The following VPS41 variants were observed in gnomAD, a reference collection of about 807,000 sequenced individuals.
VPS41 encodes vacuolar protein sorting-associated protein 41 homolog.
In VPS41, 85 loss-of-function variants were observed where a neutral mutation model predicts 130.9. That is an observed-to-expected ratio of 0.65 (90% CI 0.55 to 0.78). The LOEUF (loss-of-function observed/expected upper bound fraction) is 0.78, where lower values mean the gene tolerates loss of function less well. Ranked by LOEUF, VPS41 falls within the 30% of genes least tolerant of loss-of-function variation. The probability of loss-of-function intolerance (pLI) is 0.00; values close to 1 mark genes in which losing one functional copy is unlikely to be tolerated. For missense variants in VPS41, 874 were observed against 1,018.7 expected (o/e 0.86, Z 1.93); for synonymous variants, 335 against 332.9 (o/e 1.01, Z -0.07).
At chr7:38,805,192 T>G (rs1005542404) in intron 7 of VPS41, among the ~76,000 whole-genome samples, 2 of 152,176 alleles carry the variant, frequency 1.3e-5, no homozygotes, top group Admixed American at 1.3e-4. Flanking sequence ...ATGCAGACAG[T>G]TACCTGAAAA....
chr7:38,776,595 AT>A (rs1784263099), intron 11 of VPS41, 83 bp downstream of exon 11: 10 of 734,570 alleles, frequency 1.4e-5, no homozygotes, highest in Admixed American at 6.0e-5. Context: ...ATTATAGCGT[AT>A]GCTACTGATG....
intron 18 of VPS41, among the ~76,000 whole-genome samples, chr7:38,757,347 A>G (rs1783817381): frequency 6.6e-6 from 1 of 152,196 alleles, no homozygotes; most frequent in Non-Finnish European, 1.5e-5. Flanking sequence ...TCCAATTCTT[A>G]CAAGCAGTAT....
chr7:38,770,427 A>ATTTTT lies in VPS41; in HGVS notation c.1185+766_1185+770dup, dbSNP rs534243287. Among the ~76,000 whole-genome samples, 88 of 144,002 alleles carry ATTTTT rather than the reference A, an allele frequency of 6.1e-4. 1 individual carries two copies. Among genetic ancestry groups the ATTTTT allele is most frequent in the African/African-American group, 2.0e-3 (79 of 39,252 alleles). 94.5% of individuals were successfully genotyped at this position (144,002 alleles called of 152,430 possible). A position where few individuals can be genotyped will look rare whatever the true frequency, so the allele number is the denominator to read the frequency against. On this transcript the variant is annotated intron_variant, in intron 14 of 28. Coordinates refer to ENST00000310301, the MANE Select transcript of VPS41 (RefSeq NM_014396.4). ...GCTTATTCTCCACAATTTTGGCTGG[A>ATTTTT]TTTTTTTTTTTTTTAAGATGCTCTG...
chr7:38,815,117 T>C (rs1401346981), intron 7 of VPS41, among the ~76,000 whole-genome samples: 2 of 152,128 alleles, frequency 1.3e-5, no homozygotes, highest in Non-Finnish European at 2.9e-5. Flanking sequence ...CCAGTGAGAA[T>C]TAAATAAAAT....
chr7:38,802,737 T>C (rs1784756190), intron 7 of VPS41, among the ~76,000 whole-genome samples: 1 of 152,206 alleles, frequency 6.6e-6, no homozygotes, highest in African/African-American at 2.4e-5. Context: ...TAATATCCAT[T>C]TTTTCCTTCC....
chr7:38,787,067 T>A (rs1303554620), intron 10 of VPS41, among the ~76,000 whole-genome samples: 1 of 152,168 alleles, frequency 6.6e-6, no homozygotes, highest in Non-Finnish European at 1.5e-5. Flanking sequence ...ATACTGAAAG[T>A]AAAAAAGATT....
At chr7:38,859,859 GT>G (rs1344093142) in intron 4 of VPS41, among the ~76,000 whole-genome samples, 1 of 152,184 alleles carries the variant, frequency 6.6e-6, no homozygotes, top group African/African-American at 2.4e-5. Context: ...TTTACTCTGA[GT>G]TAAGTAAAAT....
intron 2 of VPS41, among the ~76,000 whole-genome samples, chr7:38,874,906 A>G (rs1786454514): frequency 6.6e-6 from 1 of 152,198 alleles, no homozygotes; most frequent in Non-Finnish European, 1.5e-5. Flanking sequence ...AAAATCCTGT[A>G]TCAGAACATT....
At chr7:38,745,650 G>T in intron 22 of VPS41, 37 bp from the exon 23 acceptor site, 2 of 1,469,198 alleles carry the variant, frequency 1.4e-6, no homozygotes, top group Non-Finnish European at 1.9e-6. Flanking sequence ...TACTATAGGC[G>T]ACCAAATAAG....
Position 38,853,333 on chromosome 7 carries a change from G to A in VPS41, c.246+9212C>T, listed in dbSNP as rs1246760229. Among the ~76,000 whole-genome samples, 7 of 148,462 alleles carry A rather than the reference G, an allele frequency of 4.7e-5. No individual in the cohort carries two copies. The East Asian group carries it at 1.2e-3, about 26-fold the overall frequency. On this transcript the variant is annotated intron_variant, in intron 4 of 28. Coordinates refer to ENST00000310301, the MANE Select transcript of VPS41 (RefSeq NM_014396.4). ...ACTTGGGAGGCTGAGGCAGGAGAAC[G>A]GCATCAACCTGGGAGGCGGAGCTTG...
rs986797417 is a variant in VPS41, at chr7:38,830,114, T to C, written c.321+140A>G. Reference sequence around the variant, plus strand: ...TGCAAAATATATTTTACTTCAATTATGACCAATCAGAAGCAAGTTCAATAC... The same window carrying C: ...TGCAAAATATATTTTACTTCAATTACGACCAATCAGAAGCAAGTTCAATAC... On this transcript the variant is annotated intron_variant, in intron 5 of 28. Transcript: ENST00000310301. 1.7e-4 allele frequency: 112 copies of C among 677,696 alleles called. 1 individual carries two copies. Among genetic ancestry groups the C allele is most frequent in the Non-Finnish European group, 4.5e-5 (17 of 377,118 alleles). The allele number at this position is 677,696 out of a possible 1,614,324, so 42.0% of individuals were successfully genotyped here. A position where few individuals can be genotyped will look rare whatever the true frequency, so the allele number is the denominator to read the frequency against.
chr7:38,752,190 A>G lies in VPS41; in HGVS notation c.1912T>C (p.Cys638Arg). Residue 638 changes from cysteine to arginine, a missense_variant, in exon 22 of 29, where the codon TGC (cysteine) becomes CGC (arginine). Coordinates refer to ENST00000310301, the MANE Select transcript of VPS41 (RefSeq NM_014396.4). ...CTGTGCCTTACCTTTTCAAGTGGGCAATGGGTACTGTCTCGGAGAAAGGGA... is the reference window on the plus strand; with the variant it reads ...CTGTGCCTTACCTTTTCAAGTGGGCGATGGGTACTGTCTCGGAGAAAGGGA... The part of the protein sequence containing the change: ...LLPFLRDSTH[C>R]PLEKALEICQ... The G allele has an allele frequency of 6.2e-7, 1 of 1,613,876 alleles. No homozygotes were observed. Among genetic ancestry groups the G allele is most frequent in the Admixed American group, 1.7e-5 (1 of 60,000 alleles).
At chr7:38,752,710 T>C (rs1480884126) in intron 21 of VPS41, among the ~76,000 whole-genome samples, 1 of 152,222 alleles carries the variant, frequency 6.6e-6, no homozygotes, top group Admixed American at 6.5e-5. Context: ...TAGTTGTCAA[T>C]ATCATCATTG....
At chr7:38,736,968 A>T (rs999135390) in intron 25 of VPS41, among the ~76,000 whole-genome samples, 1 of 152,220 alleles carries the variant, frequency 6.6e-6, no homozygotes, top group Non-Finnish European at 1.5e-5. Flanking sequence ...CCTTATTTTC[A>T]ATATGCAGAG....
chr7:38,811,630 T>C (rs1039548178), intron 7 of VPS41, among the ~76,000 whole-genome samples: 3 of 146,790 alleles, frequency 2.0e-5, no homozygotes, highest in Non-Finnish European at 3.0e-5. Context: ...CCCCTCCATA[T>C]ATACAGATAG....
At chr7:38,782,568 A>G (rs1049030478) in intron 10 of VPS41, among the ~76,000 whole-genome samples, 6 of 152,168 alleles carry the variant, frequency 3.9e-5, no homozygotes, top group African/African-American at 1.4e-4. Flanking sequence ...CACTGCCACT[A>G]CATTCCCAGA....
chr7:38,896,513 T>C (rs1164331561), intron 2 of VPS41, among the ~76,000 whole-genome samples: 2 of 152,204 alleles, frequency 1.3e-5, no homozygotes, highest in African/African-American at 2.4e-5. Context: ...CAACACAAAT[T>C]CATAAACTTT....
chr7:38,812,530 A>T (rs1784964722), intron 7 of VPS41, among the ~76,000 whole-genome samples: 1 of 152,186 alleles, frequency 6.6e-6, no homozygotes, highest in Non-Finnish European at 1.5e-5. Flanking sequence ...TATCAAAAAA[A>T]TTAAGATAAA....
chr7:38,726,804 T>C, intron 28 of VPS41, 105 bp downstream of exon 28: 2 of 979,624 alleles, frequency 2.0e-6, no homozygotes, highest in Non-Finnish European at 2.8e-6. Context: ...TTGTAATTTT[T>C]TTTTAACCCA....
Sources: gnomAD v4.1 joint callset for allele counts (sites outside exome capture counted in the v4.1 genomes callset) on GRCh38, gnomAD v4.1.1 for gene constraint, MANE v1.5 for transcripts, NCBI Gene and HGNC (gene_info 2026-07-23, HGNC 2026-07-21) for gene names.